PTPRZ1: variants seen among roughly 807,000 people sequenced by gnomAD.
PTPRZ1 encodes protein tyrosine phosphatase receptor type Z1.
A neutral mutation model predicts 214.1 loss-of-function variants in PTPRZ1; 82 were observed. The ratio of observed to expected loss-of-function variants is 0.38; its 90% confidence interval spans 0.32 to 0.46. The LOEUF (loss-of-function observed/expected upper bound fraction) is 0.46, where lower values mean the gene tolerates loss of function less well. PTPRZ1 is among the 20% of genes least tolerant of loss of function. PTPRZ1 has a pLI of 1.00. For missense variants in PTPRZ1, 2,603 were observed against 2,748.7 expected (o/e 0.95, Z 1.19); for synonymous variants, 945 against 987.9 (o/e 0.96, Z 0.81).
At chr7:121,985,734 C>T (rs141888409) in intron 8 of PTPRZ1, among the ~76,000 whole-genome samples, 128 of 152,336 alleles carry the variant, frequency 8.4e-4, no homozygotes, top group Non-Finnish European at 1.4e-3. Context: ...CACAGGACTG[C>T]ACACTCAAGG....
At chr7:122,053,495 A>G (rs534702206) in intron 25 of PTPRZ1, among the ~76,000 whole-genome samples, 21 of 152,310 alleles carry the variant, frequency 1.4e-4, no homozygotes, top group African/African-American at 5.1e-4. Flanking sequence ...TTCTGGCATG[A>G]CAAAGTCCAA....
At chr7:121,952,478 TG>T (rs1160664568) in intron 2 of PTPRZ1, among the ~76,000 whole-genome samples, 1 of 152,036 alleles carries the variant, frequency 6.6e-6, no homozygotes, top group Non-Finnish European at 1.5e-5. Flanking sequence ...CTCAGCTACT[TG>T]GGAGACTGAG....
At chr7:121,977,455 A>C (rs777541901) in intron 6 of PTPRZ1, among the ~76,000 whole-genome samples, 1 of 152,120 alleles carries the variant, frequency 6.6e-6, no homozygotes, top group Non-Finnish European at 1.5e-5. Context: ...AAGCCTATTA[A>C]TTTTACTATT....
chr7:121,891,886 A>G (rs1794637049), intron 1 of PTPRZ1, among the ~76,000 whole-genome samples: 1 of 152,128 alleles, frequency 6.6e-6, no homozygotes, highest in Non-Finnish European at 1.5e-5. Context: ...CCTGCACTAC[A>G]GCAGAGAAGA....
intron 2 of PTPRZ1, among the ~76,000 whole-genome samples, chr7:121,963,604 C>T (rs1215612027): frequency 6.6e-6 from 1 of 152,090 alleles, no homozygotes; most frequent in African/African-American, 2.4e-5. Flanking sequence ...CTTAAAACTC[C>T]ACCCAGGGGT....
At chr7:121,996,694 T>A (rs1562852117) in intron 9 of PTPRZ1, 128 bp downstream of exon 9, 2 of 667,590 alleles carry the variant, frequency 3.0e-6, no homozygotes, top group Non-Finnish European at 4.5e-6. Context: ...TGGGGTAGGC[T>A]GAGTATTTTT....
chr7:121,896,134 A>G (rs961612146), intron 1 of PTPRZ1, among the ~76,000 whole-genome samples: 4 of 152,250 alleles, frequency 2.6e-5, no homozygotes, highest in African/African-American at 9.6e-5. Flanking sequence ...ACACATTAAC[A>G]GCAATGATTC....
intron 1 of PTPRZ1, among the ~76,000 whole-genome samples, chr7:121,887,551 G>A: frequency 6.6e-6 from 1 of 152,060 alleles, no homozygotes; most frequent in East Asian, 1.9e-4. Context: ...ATTTTGAACT[G>A]AATTGGCACA....
At chr7:122,056,774 C>T (rs1011536424) in intron 27 of PTPRZ1, among the ~76,000 whole-genome samples, 2 of 151,852 alleles carry the variant, frequency 1.3e-5, no homozygotes, top group Admixed American at 6.6e-5. Context: ...CCCCTTCATC[C>T]TCTCCTCACT....
chr7:122,049,817 A>C (rs1792112909), intron 23 of PTPRZ1, among the ~76,000 whole-genome samples: 1 of 152,198 alleles, frequency 6.6e-6, no homozygotes. Context: ...AACAGCCAAA[A>C]TATCTCACCT....
intron 1 of PTPRZ1, among the ~76,000 whole-genome samples, chr7:121,923,884 G>A (rs1795675284): frequency 6.6e-6 from 1 of 151,854 alleles, no homozygotes; most frequent in Non-Finnish European, 1.5e-5. Flanking sequence ...TTGCATATTT[G>A]TAAGTGCTTG....
In PTPRZ1 at chr7:122,038,777, A is replaced by G. The variant is rs1350411673; in HGVS notation, c.5390A>G (p.Tyr1797Cys). The G allele has an allele frequency of 6.2e-7, 1 of 1,613,680 alleles. No homozygotes were observed. The highest frequency in any genetic ancestry group is 1.7e-5 in the Admixed American group (1 of 59,994). ...CAGGGCTACAACAGACCAAAAGCTT[A>G]TATTGCTGCCCAAGGCCCACTGAAA... ...YVDGYNRPKA[Y>C]IAAQGPLKST... is the part of the protein sequence containing the mutation. Residue 1797 changes from tyrosine (Y) to cysteine (C), a missense_variant, in exon 19 of 30, where the codon TAT (tyrosine) becomes TGT (cysteine). Around this residue, in one of 6 missense-constraint regions of PTPRZ1, gnomAD observed 1,913 missense variants for 1,914.3 expected, o/e 1.00. Transcript: ENST00000393386.
At chr7:121,881,862 A>T (rs1273946243) in intron 1 of PTPRZ1, among the ~76,000 whole-genome samples, 2 of 152,148 alleles carry the variant, frequency 1.3e-5, no homozygotes, top group African/African-American at 4.8e-5. Context: ...AGCACATAAT[A>T]TCGTTCATTT....
At chr7:122,004,227 T>A (rs995084066) in intron 10 of PTPRZ1, among the ~76,000 whole-genome samples, 3 of 152,188 alleles carry the variant, frequency 2.0e-5, no homozygotes, top group Non-Finnish European at 4.4e-5. Context: ...CATGCTTTTA[T>A]CAGCCCTGCT....
chr7:122,023,100 T>C (rs1464450010), intron 13 of PTPRZ1, among the ~76,000 whole-genome samples: 2 of 152,282 alleles, frequency 1.3e-5, no homozygotes, highest in African/African-American at 4.8e-5. Context: ...GTAAGAACTA[T>C]AAAATTCTTA....
intron 1 of PTPRZ1, among the ~76,000 whole-genome samples, chr7:121,898,262 G>GTT (rs5887058): frequency 0.058 from 8,723 of 149,816 alleles, 779 homozygotes; most frequent in African/African-American, 0.2. Flanking sequence ...AATGTGATGG[G>GTT]TTTTTTTTTT....
chr7:121,879,775 T>A (rs542092333), intron 1 of PTPRZ1, among the ~76,000 whole-genome samples: 1 of 152,192 alleles, frequency 6.6e-6, no homozygotes, highest in East Asian at 1.9e-4. Context: ...CCTCCCTTCC[T>A]TTTTTCTTTC....
chr7:122,046,051 C>T (rs918855994), intron 23 of PTPRZ1, among the ~76,000 whole-genome samples: 1 of 152,046 alleles, frequency 6.6e-6, no homozygotes, highest in African/African-American at 2.4e-5. Flanking sequence ...GTTATTAGGG[C>T]GCAAACAAGA....
At chr7:122,052,406 A>T (rs1268787716) in intron 25 of PTPRZ1, among the ~76,000 whole-genome samples, 1 of 152,152 alleles carries the variant, frequency 6.6e-6, no homozygotes, top group African/African-American at 2.4e-5. Context: ...TTCTGCATTT[A>T]CATCTTTTGT....
Sources: allele counts gnomAD v4.1 joint callset (sites outside exome capture counted in the v4.1 genomes callset), GRCh38; gene constraint gnomAD v4.1.1; regional missense constraint gnomAD v4.1.1; transcripts MANE v1.5; gene names NCBI Gene and HGNC (gene_info 2026-07-23, HGNC 2026-07-21).